The following CYP26C1 variants were observed in gnomAD, a reference collection of about 807,000 sequenced individuals.
The protein encoded by CYP26C1 is cytochrome P450 family 26 subfamily C member 1, also known as cytochrome P450 26C1.
Under a neutral mutation model 39.1 loss-of-function variants are expected in CYP26C1, and 41 were observed. The ratio of observed to expected loss-of-function variants is 1.05; its 90% CI spans 0.82 to 1.36. The LOEUF (loss-of-function observed/expected upper bound fraction) is 1.36. Among genes scored for constraint, CYP26C1 ranks in the 40% most tolerant of loss-of-function variants. The pLI is 0.00. For synonymous variants in CYP26C1, 362 were observed against 350.8 expected, an observed-to-expected ratio of 1.03 and a Z score of -0.36; for missense variants, 833 against 752.0, an observed-to-expected ratio of 1.11 and a Z score of -1.26.
chr10:93,063,510 C>A (rs1313745872), intron 3 of CYP26C1: 1 of 986,180 alleles, frequency 1.0e-6, no homozygotes, highest in East Asian at 1.1e-4. Flanking sequence ...CAGAGAACTG[C>A]TGCTTCTCCA....
intron 4 of CYP26C1, among the ~76,000 whole-genome samples, chr10:93,065,602 A>G (rs2134413908): frequency 6.6e-6 from 1 of 152,336 alleles, no homozygotes; most frequent in Admixed American, 6.5e-5. Context: ...CCATAAAACA[A>G]GAGCAGCAAT....
intron 5 of CYP26C1, among the ~76,000 whole-genome samples, chr10:93,066,879 C>T (rs538015780): frequency 6.6e-6 from 1 of 152,354 alleles, no homozygotes; most frequent in African/African-American, 2.4e-5. Flanking sequence ...GCAGTTCCCT[C>T]TTCACTCTGG....
At chr10:93,063,815 C>T in intron 3 of CYP26C1, 1 of 985,698 alleles carries the variant, frequency 1.0e-6, no homozygotes, top group African/African-American at 1.7e-5. Flanking sequence ...ACCTCATCTC[C>T]TCCGACTATG....
Position 93,066,062 on chromosome 10 carries a change from G to A in CYP26C1, c.968G>A (p.Arg323Gln), listed in dbSNP as rs569087860. The A allele has an allele frequency of 3.3e-6, 5 of 1,507,458 alleles. No individual in the cohort carries two copies. In the South Asian group the frequency reaches 6.3e-5, roughly 19 times the overall value. 93.4% of individuals were successfully genotyped at this position (1,507,458 alleles called of 1,614,324 possible). ...CATCCGGCGGCCATCGCCAAGATTCGGGAGGAGCTGGTGGCGCAGGGGCTG... is the reference window on the plus strand; with the variant it reads ...CATCCGGCGGCCATCGCCAAGATTCAGGAGGAGCTGGTGGCGCAGGGGCTG... ...LQHPAAIAKI[R>Q]EELVAQGLGR... The change falls in exon 5 of 6, where the codon CGG (arginine) becomes CAG (glutamine). Residue 323 changes from arginine to glutamine, a missense_variant. Arg to Gln is a conservative substitution (Grantham distance 43). Transcript: ENST00000651965.
At position 93,061,270 on chromosome 10, in the gene CYP26C1, C is replaced by T. The variant is rs34954610; in HGVS notation, c.7C>T (p.Pro3Ser). MFPWGLSCLSVLG... is the reference protein window; with the variant it reads MFSWGLSCLSVLG... ...TGGCCCCCGCGGGCTCATCATGTTC[C>T]CTTGGGGGCTGAGCTGCCTGTCAGT... Residue 3 changes from proline to serine, a missense_variant, in exon 1 of 6, where the codon CCT becomes TCT. By Grantham distance (74) the Pro-to-Ser change is moderately conservative. Coordinates refer to ENST00000651965, the MANE Select transcript of CYP26C1 (RefSeq NM_183374.3). 1 of 1,580,970 alleles carries T rather than the reference C, an allele frequency of 6.3e-7. No individual in the cohort carries two copies. Among genetic ancestry groups the T allele is most frequent in the Non-Finnish European group, 8.6e-7 (1 of 1,165,466 alleles).
At chr10:93,065,643 AT>A (rs1176268208) in intron 4 of CYP26C1, among the ~76,000 whole-genome samples, 1 of 152,234 alleles carries the variant, frequency 6.6e-6, no homozygotes, top group Non-Finnish European at 1.5e-5. Context: ...TGAGAACCGA[AT>A]GAGTGAATAT....
At chr10:93,066,485 C>A (rs1455248790) in intron 5 of CYP26C1, among the ~76,000 whole-genome samples, 200 bp downstream of exon 5, 1 of 152,238 alleles carries the variant, frequency 6.6e-6, no homozygotes, top group Non-Finnish European at 1.5e-5. Context: ...CCGGATCCCC[C>A]GCTGAGGGAC....
rs796568103 is a variant in CYP26C1 at position 93,062,660 on chromosome 10, G to A, written c.430-60G>A. On this transcript the variant is annotated intron_variant, in intron 2 of 5. Transcript: ENST00000651965. ...CCGGAACTGGCCTTCTGGCTACTCC[G>A]GAATCGCCAAGCAGATGAGGCCAGA... 110 of 1,347,430 alleles carry A rather than the reference G, an allele frequency of 8.2e-5. No individual in the cohort carries two copies. The African/African-American group carries it at 1.5e-3, about 19-fold the overall frequency. The allele number at this position is 1,347,430 out of a possible 1,614,324, so 83.5% of individuals were successfully genotyped here.
At chr10:93,065,097 G>A (rs1443328990) in intron 4 of CYP26C1, among the ~76,000 whole-genome samples, 1 of 152,188 alleles carries the variant, frequency 6.6e-6, no homozygotes, top group Non-Finnish European at 1.5e-5. Context: ...GTGGAGGGGA[G>A]GTGGTAAGCT....
chr10:93,068,253 G>A lies in CYP26C1; in HGVS notation c.1192-67G>A, dbSNP rs565647965. On this transcript the variant is annotated intron_variant, in intron 5 of 5. Coordinates refer to ENST00000651965, the MANE Select transcript of CYP26C1 (RefSeq NM_183374.3). Reference sequence around the variant, plus strand: ...GCCTGATGGAAGCACCAGGGTGGAGGGTCAGTTCAGGGCCCCCCCGTTTCC... The same window carrying A: ...GCCTGATGGAAGCACCAGGGTGGAGAGTCAGTTCAGGGCCCCCCCGTTTCC... 9.8e-5 allele frequency: 143 copies of A among 1,452,224 alleles called. 1 individual carries two copies. The African/African-American group carries it at 2.0e-3, about 20-fold the overall frequency. 90.0% of individuals were successfully genotyped at this position (1,452,224 alleles called of 1,614,324 possible). A position where few individuals can be genotyped will look rare whatever the true frequency, so the allele number is the denominator to read the frequency against.
Position 93,061,482 on chromosome 10 carries a change from G to GA in CYP26C1, c.204+16dup. 1 of 1,548,756 alleles carries GA rather than the reference G, an allele frequency of 6.5e-7. No individual in the cohort carries two copies. The highest frequency in any genetic ancestry group is 2.0e-5 in the Admixed American group (1 of 50,994). The stretch of plus-strand genomic sequence containing the variant: ...GGTTAGTTCAGGTGAGCAGTCCTTC[G>GA]ACCCCGAGCGCTAATACGGTCCCTT... On this transcript the variant is annotated intron_variant, in intron 1 of 5. Transcript: ENST00000651965.
rs1846741250 is a variant in CYP26C1 at position 93,061,191 on chromosome 10, A to G, written c.-73A>G. The G allele has an allele frequency of 2.0e-6, 3 of 1,496,296 alleles. No homozygotes were observed. Among genetic ancestry groups the G allele is most frequent in the Non-Finnish European group, 2.7e-6 (3 of 1,112,124 alleles). The allele number at this position is 1,496,296 out of a possible 1,614,324, so 92.7% of individuals were successfully genotyped here. ...CGGACGGAACAGGTGAGCACTGCGC[A>G]CTGCTCGCGCCCCGGTTCTTGCGTC... On this transcript the variant is annotated 5_prime_UTR_variant, in exon 1 of 6. Transcript: ENST00000651965.
chr10:93,066,134 G>A lies in CYP26C1; in HGVS notation c.1040G>A (p.Gly347Glu), dbSNP rs762204088. The A allele has an allele frequency of 7.5e-7, 1 of 1,338,590 alleles. No homozygotes were observed. The allele number at this position is 1,338,590 out of a possible 1,614,324, so 82.9% of individuals were successfully genotyped here. A position where few individuals can be genotyped will look rare whatever the true frequency, so the allele number is the denominator to read the frequency against. The change falls in exon 5 of 6, where the codon GGG becomes GAG. Residue 347 changes from glycine to glutamate, a missense_variant. By Grantham distance (98) the Gly-to-Glu change is moderately conservative. Transcript: ENST00000651965. ...CAPGAAGGSE[G>E]PPPDCGCEPD... Reference sequence around the variant, plus strand: ...CCCGGGGCCGCTGGGGGCAGCGAGGGGCCCCCGCCCGACTGCGGCTGCGAG... The same window carrying A: ...CCCGGGGCCGCTGGGGGCAGCGAGGAGCCCCCGCCCGACTGCGGCTGCGAG...
In CYP26C1 at chr10:93,068,723, T is replaced by C. The variant is rs1489150569; in HGVS notation, c.*26T>C. On this transcript the variant is annotated 3_prime_UTR_variant, in exon 6 of 6. Transcript: ENST00000651965. The stretch of plus-strand genomic sequence containing the variant: ...CATGCTTGCGCTCTAGGACACGGCT[T>C]GGCCGGTGGCTATGGCGCGCACGCA... The C allele has an allele frequency of 6.7e-7, 1 of 1,483,460 alleles. No individual in the cohort carries two copies. The highest frequency in any genetic ancestry group is 2.5e-5 in the East Asian group (1 of 40,472). The allele number at this position is 1,483,460 out of a possible 1,614,324, so 91.9% of individuals were successfully genotyped here.
chr10:93,062,380 G>C, intron 2 of CYP26C1, 146 bp downstream of exon 2: 1 of 773,992 alleles, frequency 1.3e-6, no homozygotes, highest in South Asian at 1.9e-5. Context: ...GGGCGGGTCC[G>C]TTACCTTCAG....
At position 93,062,222 on chromosome 10, in the gene CYP26C1, G is replaced by A; in HGVS notation, c.417G>A (p.Arg139=). The A allele has an allele frequency of 1.3e-6, 2 of 1,522,748 alleles. No individual in the cohort carries two copies. Among genetic ancestry groups the A allele is most frequent in the Non-Finnish European group, 1.8e-6 (2 of 1,138,752 alleles). The allele number at this position is 1,522,748 out of a possible 1,614,324, so 94.3% of individuals were successfully genotyped here. The change falls in exon 2 of 6, where the codon CGG becomes CGA. Residue 139 remains arginine (R), a synonymous_variant. Transcript: ENST00000651965. ...TAGGTGCGGTCGGCGAGCCGCACCGGCGGCGGCGCAAGGTGAGTGGAAACG... is the reference window on the plus strand; with the variant it reads ...TAGGTGCGGTCGGCGAGCCGCACCGACGGCGGCGCAAGGTGAGTGGAAACG... ...TLLGAVGEPH[R]RRRKVLARVF...
At position 93,060,811 on chromosome 10, in the gene CYP26C1, TG is replaced by T; in HGVS notation, c.-451del. On this transcript the variant is annotated 5_prime_UTR_variant, in exon 1 of 6. Coordinates refer to ENST00000651965, the MANE Select transcript of CYP26C1 (RefSeq NM_183374.3). ...CGTGGGCCAAGAAGGGTTAAACGAC[TG>T]GAGGAGGGACAGGTGGGGCGGGGGT... 1 of 197,150 alleles carries T rather than the reference TG, an allele frequency of 5.1e-6. No individual in the cohort carries two copies. Among genetic ancestry groups the T allele is most frequent in the Non-Finnish European group, 1.0e-5 (1 of 97,980 alleles). 12.2% of individuals were successfully genotyped at this position (197,150 alleles called of 1,614,324 possible). A position where few individuals can be genotyped will look rare whatever the true frequency, so the allele number is the denominator to read the frequency against.
chr10:93,069,082 G>C lies in CYP26C1; in HGVS notation c.*385G>C. On this transcript the variant is annotated 3_prime_UTR_variant, in exon 6 of 6. Coordinates refer to ENST00000651965, the MANE Select transcript of CYP26C1 (RefSeq NM_183374.3). The stretch of plus-strand genomic sequence containing the variant: ...CGAGGTAGGGGTGGCAGGGGAGTGG[G>C]AATATTGCAACTCGGGGACATTGCA... 5.4e-6 allele frequency: 1 copy of C among 184,812 alleles called. No homozygotes were observed. Among genetic ancestry groups the C allele is most frequent in the South Asian group, 1.9e-4 (1 of 5,356 alleles). 11.4% of individuals were successfully genotyped at this position (184,812 alleles called of 1,614,324 possible).
At chr10:93,063,508 T>C in intron 3 of CYP26C1, 1 of 986,244 alleles carries the variant, frequency 1.0e-6, no homozygotes, top group Non-Finnish European at 1.2e-6. Context: ...ATCAGAGAAC[T>C]GCTGCTTCTC....
Sources: gnomAD v4.1 joint callset for allele counts (sites outside exome capture counted in the v4.1 genomes callset) on GRCh38, gnomAD v4.1.1 for gene constraint, MANE v1.5 for transcripts, NCBI Gene and HGNC (gene_info 2026-07-23, HGNC 2026-07-21) for gene names.